The following SLC24A3 variants were observed in gnomAD, a reference collection of about 807,000 sequenced individuals.
SLC24A3 encodes solute carrier family 24 member 3, also known as sodium/potassium/calcium exchanger 3.
In SLC24A3, 28 loss-of-function variants were observed where a neutral mutation model predicts 75.8. The observed-to-expected ratio is 0.37, with a 90% CI of 0.27 to 0.51. The LOEUF (loss-of-function observed/expected upper bound fraction) is 0.51. Among genes scored for constraint, SLC24A3 ranks in the 20% least tolerant of loss-of-function variants. The pLI, the probability that SLC24A3 is intolerant of heterozygous loss-of-function variation, is 0.94. For synonymous variants in SLC24A3, 372 were observed against 334.1 expected, an observed-to-expected ratio of 1.11 and a Z score of -1.24; for missense variants, 663 against 847.8, an observed-to-expected ratio of 0.78 and a Z score of 2.71.
At chr20:19,239,178 T>A (rs1356122156) in intron 1 of SLC24A3, among the ~76,000 whole-genome samples, 2 of 151,264 alleles carry the variant, frequency 1.3e-5, no homozygotes, top group Non-Finnish European at 2.9e-5. Flanking sequence ...AATTACTGTG[T>A]CTTGGGCCAG....
Position 19,239,250 on chromosome 20 carries a change from C to T in SLC24A3, c.142+26266C>T, listed in dbSNP as rs186167999. ...GTGCAGTGTTTGAGATGCCTAAGCC[C>T]GTATGAAGCACAACAGGAGAAGCAG... On this transcript the variant is annotated intron_variant, in intron 1 of 16. Coordinates refer to ENST00000328041, the MANE Select transcript of SLC24A3 (RefSeq NM_020689.4). 2.2e-3 allele frequency among the ~76,000 whole-genome samples: 340 copies of T among 152,270 alleles called. 1 individual carries two copies. Among genetic ancestry groups the T allele is most frequent in the African/African-American group, 7.9e-3 (330 of 41,550 alleles).
intron 2 of SLC24A3, among the ~76,000 whole-genome samples, chr20:19,298,556 A>G (rs545706963): frequency 6.6e-6 from 1 of 152,322 alleles, no homozygotes; most frequent in East Asian, 1.9e-4. Context: ...CCCAGGAAAC[A>G]ACAGTAGAGG....
intron 2 of SLC24A3, among the ~76,000 whole-genome samples, chr20:19,427,227 T>C (rs1987025129): frequency 6.6e-6 from 1 of 152,054 alleles, no homozygotes; most frequent in Admixed American, 6.5e-5. Flanking sequence ...GAGGTGGGGC[T>C]GGCAGCAGTG....
intron 2 of SLC24A3, among the ~76,000 whole-genome samples, chr20:19,372,995 A>G (rs1471548720): frequency 1.3e-5 from 2 of 152,184 alleles, no homozygotes; most frequent in South Asian, 2.1e-4. Flanking sequence ...ATTGCACAGA[A>G]AGACTCATGC....
At chr20:19,249,438 T>A (rs529270004) in intron 1 of SLC24A3, among the ~76,000 whole-genome samples, 1 of 152,378 alleles carries the variant, frequency 6.6e-6, no homozygotes, top group East Asian at 1.9e-4. Flanking sequence ...TCTTCACTAA[T>A]TCCTGTGTCT....
intron 2 of SLC24A3, among the ~76,000 whole-genome samples, chr20:19,384,979 A>G (rs1005490879): frequency 6.6e-6 from 1 of 152,010 alleles, no homozygotes; most frequent in African/African-American, 2.4e-5. Context: ...TCATTTTTTA[A>G]TCAGGTTATT....
chr20:19,353,196 C>T (rs924063343), intron 2 of SLC24A3, among the ~76,000 whole-genome samples: 1 of 152,166 alleles, frequency 6.6e-6, no homozygotes, highest in African/African-American at 2.4e-5. Flanking sequence ...CAGAACACGT[C>T]TTCATCATTA....
chr20:19,548,557 A>T (rs1409762397), intron 3 of SLC24A3, among the ~76,000 whole-genome samples: 2 of 152,230 alleles, frequency 1.3e-5, no homozygotes, highest in African/African-American at 4.8e-5. Flanking sequence ...CAGACACAGC[A>T]TGATTGGGTT....
At chr20:19,677,006 G>T (rs1432069416) in intron 9 of SLC24A3, among the ~76,000 whole-genome samples, 1 of 152,168 alleles carries the variant, frequency 6.6e-6, no homozygotes, top group Non-Finnish European at 1.5e-5. Context: ...TATATTCCAT[G>T]AGAACGGAAT....
intron 2 of SLC24A3, among the ~76,000 whole-genome samples, chr20:19,336,493 C>G (rs961145489): frequency 6.6e-6 from 1 of 152,176 alleles, no homozygotes; most frequent in African/African-American, 2.4e-5. Flanking sequence ...TCAAGCGATT[C>G]TCATCCCTCA....
At chr20:19,704,573 G>A (rs2032907383) in intron 15 of SLC24A3, among the ~76,000 whole-genome samples, 1 of 152,138 alleles carries the variant, frequency 6.6e-6, no homozygotes, top group South Asian at 2.1e-4. Context: ...TAACTTCAGA[G>A]GACATCTGCC....
At chr20:19,719,687 A>G (rs539499545) in intron 16 of SLC24A3, among the ~76,000 whole-genome samples, 1 of 152,356 alleles carries the variant, frequency 6.6e-6, no homozygotes, top group African/African-American at 2.4e-5. Context: ...CTAATTTAAA[A>G]TAAGACCCAT....
At chr20:19,329,413 T>A (rs1600432498) in intron 2 of SLC24A3, among the ~76,000 whole-genome samples, 1 of 152,308 alleles carries the variant, frequency 6.6e-6, no homozygotes, top group African/African-American at 2.4e-5. Flanking sequence ...GAGCATACCT[T>A]CCCTCCTATC....
At chr20:19,603,448 C>G (rs1295044505) in intron 6 of SLC24A3, among the ~76,000 whole-genome samples, 1 of 152,190 alleles carries the variant, frequency 6.6e-6, no homozygotes, top group Non-Finnish European at 1.5e-5. Context: ...TTTGCCGGCT[C>G]TTGGTGCTCA....
At chr20:19,353,275 C>T (rs1483901603) in intron 2 of SLC24A3, among the ~76,000 whole-genome samples, 1 of 152,110 alleles carries the variant, frequency 6.6e-6, no homozygotes, top group Non-Finnish European at 1.5e-5. Flanking sequence ...GTCAGCTCCC[C>T]AAACAAGCCC....
chr20:19,277,167 T>A (rs1983513968), intron 1 of SLC24A3, among the ~76,000 whole-genome samples: 1 of 152,182 alleles, frequency 6.6e-6, no homozygotes, highest in East Asian at 1.9e-4. Context: ...TATACCTGGG[T>A]TCAAATCCTC....
intron 6 of SLC24A3, among the ~76,000 whole-genome samples, chr20:19,640,076 G>T (rs2032057479): frequency 6.6e-6 from 1 of 152,254 alleles, no homozygotes; most frequent in Non-Finnish European, 1.5e-5. Context: ...CCAGAAAGGG[G>T]CTCCCACAGT....
chr20:19,625,472 T>G (rs1568676993), intron 6 of SLC24A3, among the ~76,000 whole-genome samples: 1 of 152,150 alleles, frequency 6.6e-6, no homozygotes, highest in Non-Finnish European at 1.5e-5. Context: ...AAAAGTATGT[T>G]GAAGTTATAT....
chr20:19,489,593 T>C (rs1461014288), intron 2 of SLC24A3, among the ~76,000 whole-genome samples: 1 of 152,204 alleles, frequency 6.6e-6, no homozygotes, highest in African/African-American at 2.4e-5. Context: ...CTTTTTCAAA[T>C]GAGCCCAAGG....
Sources: allele counts gnomAD v4.1 joint callset (sites outside exome capture counted in the v4.1 genomes callset), GRCh38; gene constraint gnomAD v4.1.1; transcripts MANE v1.5; gene names NCBI Gene and HGNC (gene_info 2026-07-23, HGNC 2026-07-21).